DPP10: variants seen among roughly 807,000 people sequenced by gnomAD.
The protein encoded by DPP10 is inactive dipeptidyl peptidase 10.
Under a neutral mutation model 120.9 loss-of-function variants are expected in DPP10, and 33 were observed. The ratio of observed to expected loss-of-function variants is 0.27; its 90% CI spans 0.21 to 0.37. The LOEUF is 0.37. Among genes scored for constraint, DPP10 ranks in the 10% least tolerant of loss-of-function variants. The pLI is 1.00. For synonymous variants in DPP10, 337 were observed against 326.1 expected (o/e 1.03, Z -0.36); for missense variants, 816 against 942.8 (o/e 0.87, Z 1.76).
At chr2:115,407,303 G>C (rs1021366769) in intron 3 of DPP10, among the ~76,000 whole-genome samples, 8 of 152,176 alleles carry the variant, frequency 5.3e-5, no homozygotes, top group African/African-American at 1.9e-4. Flanking sequence ...TTTTGCCAGG[G>C]GACCCTTGGC....
intron 1 of DPP10, among the ~76,000 whole-genome samples, chr2:115,122,887 G>A (rs1435292435): frequency 1.3e-5 from 2 of 152,136 alleles, no homozygotes; most frequent in Admixed American, 1.3e-4. Flanking sequence ...ACTCATCAGG[G>A]GGAGCTGTGA....
chr2:115,427,705 T>G (rs559007890), intron 3 of DPP10, among the ~76,000 whole-genome samples: 3 of 152,314 alleles, frequency 2.0e-5, no homozygotes, highest in Non-Finnish European at 4.4e-5. Flanking sequence ...TTTTTCTCAT[T>G]GTCTTGGCTA....
chr2:115,462,071 A>G (rs1278855581), intron 3 of DPP10, among the ~76,000 whole-genome samples: 2 of 152,138 alleles, frequency 1.3e-5, no homozygotes. Context: ...AACAATCCAA[A>G]GGTGCCTCAA....
intron 3 of DPP10, among the ~76,000 whole-genome samples, chr2:115,438,607 C>A (rs78259760): frequency 0.077 from 11,763 of 152,236 alleles, 508 homozygotes; most frequent in Middle Eastern, 0.14. Flanking sequence ...ATAGATGAAT[C>A]CTAAAATCAT....
chr2:115,523,025 T>C (rs556253103), intron 4 of DPP10, among the ~76,000 whole-genome samples: 6 of 152,254 alleles, frequency 3.9e-5, no homozygotes, highest in Admixed American at 3.9e-4. Context: ...TCTTCTGGCG[T>C]GTTGACTAAG....
chr2:114,976,216 A>T (rs1443949654), intron 1 of DPP10, among the ~76,000 whole-genome samples: 9 of 151,330 alleles, frequency 5.9e-5, no homozygotes, highest in Non-Finnish European at 3.0e-5. Context: ...GAAATACATG[A>T]TTAGAACTTT....
At chr2:114,862,515 A>G (rs1450470344) in intron 1 of DPP10, among the ~76,000 whole-genome samples, 2 of 152,196 alleles carry the variant, frequency 1.3e-5, no homozygotes, top group Non-Finnish European at 1.5e-5. Flanking sequence ...CTCTCCTGTG[A>G]AACCAAACAT....
At chr2:114,570,705 C>T (rs1274699719) in intron 1 of DPP10, among the ~76,000 whole-genome samples, 4 of 150,712 alleles carry the variant, frequency 2.7e-5, no homozygotes, top group Non-Finnish European at 3.0e-5. Flanking sequence ...TGGTGGCGGG[C>T]GCCTGTAGTC....
At chr2:115,352,477 CTGTT>C (rs1329425882) in intron 3 of DPP10, among the ~76,000 whole-genome samples, 1 of 152,140 alleles carries the variant, frequency 6.6e-6, no homozygotes, top group Non-Finnish European at 1.5e-5. Flanking sequence ...CCCAGGAAAT[CTGTT>C]TGTCAATACA....
At chr2:115,006,171 A>C (rs1701825951) in intron 1 of DPP10, among the ~76,000 whole-genome samples, 3 of 152,136 alleles carry the variant, frequency 2.0e-5, no homozygotes, top group African/African-American at 4.8e-5. Context: ...AAATGCTGAG[A>C]GATTTTGTCA....
At chr2:115,178,095 A>G (rs565589113) in intron 1 of DPP10, among the ~76,000 whole-genome samples, 10 of 152,246 alleles carry the variant, frequency 6.6e-5, no homozygotes, top group African/African-American at 2.2e-4. Flanking sequence ...TGGCTTCTTT[A>G]AAAAATGTTC....
intron 1 of DPP10, among the ~76,000 whole-genome samples, chr2:114,694,849 G>A (rs1345561524): frequency 2.0e-5 from 3 of 151,930 alleles, no homozygotes; most frequent in Non-Finnish European, 4.4e-5. Flanking sequence ...GGTAAAAGGT[G>A]AAGGGAAGTA....
At chr2:115,451,333 A>T (rs2104970003) in intron 3 of DPP10, among the ~76,000 whole-genome samples, 1 of 152,052 alleles carries the variant, frequency 6.6e-6, no homozygotes, top group South Asian at 2.1e-4. Context: ...ACTTCTAATA[A>T]AGAAGATTCT....
intron 1 of DPP10, among the ~76,000 whole-genome samples, chr2:114,455,144 A>T: frequency 7.5e-6 from 1 of 133,442 alleles, no homozygotes. Flanking sequence ...TTTTCAAGGG[A>T]TTTTCTTTCT....
At chr2:115,334,631 A>C (rs1335687768) in intron 2 of DPP10, among the ~76,000 whole-genome samples, 1 of 152,020 alleles carries the variant, frequency 6.6e-6, no homozygotes, top group Non-Finnish European at 1.5e-5. Flanking sequence ...GTGTTTCTAA[A>C]AGTAAATCTG....
At chr2:114,706,727 A>G (rs1176846259) in intron 1 of DPP10, among the ~76,000 whole-genome samples, 1 of 152,198 alleles carries the variant, frequency 6.6e-6, no homozygotes, top group Non-Finnish European at 1.5e-5. Flanking sequence ...AATTGGATCT[A>G]TCTTCTAGTA....
chr2:114,536,630 C>A lies in DPP10; in HGVS notation c.60+93792C>A, dbSNP rs562719898. ...CCGTGTTAGCCAGGATGGTCTCGAT[C>A]TCCTGACCTTGTGATCCACCTGTCT... On this transcript the variant is annotated intron_variant, in intron 1 of 25. Coordinates refer to ENST00000410059, the MANE Select transcript of DPP10 (RefSeq NM_020868.6). Among the ~76,000 whole-genome samples the A allele has an allele frequency of 6.6e-5, 10 of 152,204 alleles. No individual in the cohort carries two copies. The East Asian group carries it at 1.9e-3, about 29-fold the overall frequency.
At chr2:114,892,842 A>C (rs1311497745) in intron 1 of DPP10, among the ~76,000 whole-genome samples, 1 of 152,126 alleles carries the variant, frequency 6.6e-6, no homozygotes, top group African/African-American at 2.4e-5. Flanking sequence ...AGGACACAGG[A>C]TGGAGTCCTG....
rs115784878 is a variant in DPP10, at chr2:115,050,668, G to A, written c.61-258571G>A. ...ATTCTGGGAATCCAGAGGGCCACAC[G>A]TAGGTACAGGGCAGTGCAAATCCTC... is the stretch of plus-strand genomic sequence containing the variant. On this transcript the variant is annotated intron_variant, in intron 1 of 25. Coordinates refer to ENST00000410059, the MANE Select transcript of DPP10 (RefSeq NM_020868.6). Among the ~76,000 whole-genome samples the A allele has an allele frequency of 4.3e-3, 651 of 152,258 alleles. 1 individual carries two copies. Among genetic ancestry groups the A allele is most frequent in the African/African-American group, 0.014 (601 of 41,562 alleles).
Sources: allele counts gnomAD v4.1 joint callset (sites outside exome capture counted in the v4.1 genomes callset), GRCh38; gene constraint gnomAD v4.1.1; transcripts MANE v1.5; gene names NCBI Gene and HGNC (gene_info 2026-07-23, HGNC 2026-07-21).